The following NRXN1 variants were observed in gnomAD, a reference collection of about 807,000 sequenced individuals.
NRXN1 encodes the protein neurexin-1.
Under a neutral mutation model 150.9 loss-of-function variants are expected in NRXN1, and 39 were observed. The ratio of observed to expected loss-of-function variants is 0.26; its 90% CI spans 0.20 to 0.34. The LOEUF (loss-of-function observed/expected upper bound fraction) is 0.34. Ranked by LOEUF, NRXN1 falls within the 10% of genes least tolerant of loss-of-function variation. The pLI is 1.00. For missense variants in NRXN1, 1,815 were observed against 1,949.9 expected (o/e 0.93, Z 1.30); for synonymous variants, 924 against 757.0 (o/e 1.22, Z -3.62).
chr2:50,281,674 A>C (rs959527532), intron 17 of NRXN1, among the ~76,000 whole-genome samples: 1 of 152,072 alleles, frequency 6.6e-6, no homozygotes, highest in Non-Finnish European at 1.5e-5. Context: ...AAAGATGATA[A>C]ACTGTTCCCA....
At chr2:49,943,829 G>A (rs1208019083) in intron 21 of NRXN1, 38 bp from the exon 22 acceptor site, 3 of 1,415,730 alleles carry the variant, frequency 2.1e-6, no homozygotes, top group Admixed American at 1.7e-5. Context: ...AATTTAAAGG[G>A]TCCTAACAGA....
intron 17 of NRXN1, among the ~76,000 whole-genome samples, chr2:50,343,026 T>C (rs1004389655): frequency 5.9e-5 from 9 of 152,222 alleles, no homozygotes; most frequent in Non-Finnish European, 1.2e-4. Flanking sequence ...TTATTATCCT[T>C]ATATAACACC....
At chr2:50,960,562 T>C (rs561380899) in intron 2 of NRXN1, among the ~76,000 whole-genome samples, 5 of 151,914 alleles carry the variant, frequency 3.3e-5, no homozygotes, top group African/African-American at 7.2e-5. Flanking sequence ...TATTATCACC[T>C]ACATGGAGGA....
At position 49,919,879 on chromosome 2, in the gene NRXN1, C is replaced by T. The variant is rs1321737777; in HGVS notation, c.*2065G>A. 3 of 152,084 alleles carry T rather than the reference C, an allele frequency of 2.0e-5. No individual in the cohort carries two copies. Among genetic ancestry groups the T allele is most frequent in the Non-Finnish European group, 4.4e-5 (3 of 67,964 alleles). The allele number at this position is 152,084 out of a possible 1,614,324, so 9.4% of individuals were successfully genotyped here. ...TGCTGTATGTCTGAAATCCAGGCCA[C>T]TTCTTGGCTTTTTTTTCATCAACTA... On this transcript the variant is annotated 3_prime_UTR_variant, in exon 23 of 23. Coordinates refer to ENST00000401669, the MANE Select transcript of NRXN1 (RefSeq NM_001330078.2).
rs544298942 is a variant in NRXN1 at position 50,964,516 on chromosome 2, T to C, written c.773-38561A>G. Reference sequence around the variant, plus strand: ...CCTTTCCCTCAAACGTGTCCTATTATGAAAATCTAACTTACAGATATTCAG... The same window carrying C: ...CCTTTCCCTCAAACGTGTCCTATTACGAAAATCTAACTTACAGATATTCAG... On this transcript the variant is annotated intron_variant, in intron 2 of 22. Transcript: ENST00000401669. Among the ~76,000 whole-genome samples the C allele has an allele frequency of 4.6e-5, 7 of 151,632 alleles. No homozygotes were observed. In the East Asian group the frequency reaches 9.7e-4, roughly 21 times the overall value.
At chr2:50,355,506 G>T (rs113949700) in intron 17 of NRXN1, among the ~76,000 whole-genome samples, 1 of 151,802 alleles carries the variant, frequency 6.6e-6, no homozygotes, top group Admixed American at 6.6e-5. Flanking sequence ...AACACCCCAG[G>T]CTCCAGCCAC....
At chr2:50,699,338 T>G (rs576034328) in intron 5 of NRXN1, among the ~76,000 whole-genome samples, 1 of 152,298 alleles carries the variant, frequency 6.6e-6, no homozygotes, top group East Asian at 1.9e-4. Flanking sequence ...CCAGATCCTG[T>G]GAATATGTCC....
chr2:50,883,424 T>C (rs1002121025), intron 5 of NRXN1, among the ~76,000 whole-genome samples: 23 of 128,640 alleles, frequency 1.8e-4, no homozygotes, highest in Non-Finnish European at 3.7e-5. Context: ...TTTACATCTT[T>C]TTTTTTTTTT....
In NRXN1 at chr2:50,644,438, G is replaced by A. The variant is rs548838357; in HGVS notation, c.833-20823C>T. Among the ~76,000 whole-genome samples the A allele has an allele frequency of 6.6e-5, 10 of 151,760 alleles. No individual in the cohort carries two copies. In the East Asian group the frequency reaches 1.7e-3, roughly 26 times the overall value. ...AATGATTCCTACAAATTTTAGAGAA[G>A]ACTATCAAAAGCAAAAGAAATAAAT... On this transcript the variant is annotated intron_variant, in intron 5 of 22. Coordinates refer to ENST00000401669, the MANE Select transcript of NRXN1 (RefSeq NM_001330078.2).
chr2:51,028,123 C>A lies in NRXN1; in HGVS notation c.151G>T (p.Glu51Ter). 1 of 1,568,158 alleles carries A rather than the reference C, an allele frequency of 6.4e-7. No homozygotes were observed. ...TTGAGCTGGAAGCTCATCTCGCTCTCGCAGCAGGCGTTCCACTTGGGGAAG... is the reference window on the plus strand; with the variant it reads ...TTGAGCTGGAAGCTCATCTCGCTCTAGCAGCAGGCGTTCCACTTGGGGAAG... ...TRFPKWNACC[E>*]SEMSFQLKTR... Residue 51 changes from glutamate (E) to a stop codon, truncating the protein, a stop_gained, in exon 2 of 23, where the codon GAG becomes TAG. Coordinates refer to ENST00000401669, the MANE Select transcript of NRXN1 (RefSeq NM_001330078.2). LOFTEE classifies it high-confidence loss of function.
chr2:50,053,314 G>T lies in NRXN1; in HGVS notation c.4085C>A (p.Thr1362Lys). The change falls in exon 21 of 23, where the codon ACA (threonine) becomes AAA (lysine). Residue 1362 changes from threonine to lysine, a missense_variant. Thr to Lys is a moderately conservative substitution (Grantham distance 78). This residue lies in a region of NRXN1 where 265 missense variants were observed against 307.1 expected (regional missense o/e 0.86). Coordinates refer to ENST00000401669, the MANE Select transcript of NRXN1 (RefSeq NM_001330078.2). ...TGTCGGGGGCTTTCCTCTTCTGGCT[G>T]TGCTAGTAGCCAGGGTCGTGGTAGT... is the stretch of plus-strand genomic sequence containing the variant. The part of the protein sequence containing the change: ...METTTTLATS[T>K]ARRGKPPTKE... The T allele has an allele frequency of 6.2e-7, 1 of 1,614,008 alleles. No individual in the cohort carries two copies. The highest frequency in any genetic ancestry group is 8.5e-7 in the Non-Finnish European group (1 of 1,179,904).
intron 5 of NRXN1, among the ~76,000 whole-genome samples, chr2:50,651,856 C>T (rs1368423073): frequency 2.0e-5 from 3 of 151,916 alleles, no homozygotes; most frequent in South Asian, 2.1e-4. Flanking sequence ...AAGCACTGCA[C>T]AACAATAGTC....
rs1244838607 is a variant in NRXN1, at chr2:51,028,057, C to T, written c.217G>A (p.Glu73Lys). The T allele has an allele frequency of 6.3e-7, 1 of 1,598,174 alleles. No individual in the cohort carries two copies. The highest frequency in any genetic ancestry group is 8.5e-7 in the Non-Finnish European group (1 of 1,176,204). The change falls in exon 2 of 23, where the codon GAG (glutamate) becomes AAG (lysine). Residue 73 changes from glutamate (E) to lysine (K), a missense_variant. By Grantham distance (56) the Glu-to-Lys change is moderately conservative (BLOSUM62 1). Around this residue, in one of 6 missense-constraint regions of NRXN1, gnomAD observed 554 missense variants for 478.8 expected, o/e 1.16. Coordinates refer to ENST00000401669, the MANE Select transcript of NRXN1 (RefSeq NM_001330078.2). ...AGCTCCAGGAAGTCGCAGAAGCCCT[C>T]GTCGTCGAAGTAGAGCACGAGGCCG... ...ARGLVLYFDD[E>K]GFCDFLELIL...
chr2:50,321,557 C>G (rs908155748), intron 17 of NRXN1, among the ~76,000 whole-genome samples: 18 of 151,960 alleles, frequency 1.2e-4, no homozygotes, highest in African/African-American at 4.3e-4. Flanking sequence ...CATAAAGTTA[C>G]AAAATGAACA....
At chr2:50,712,929 C>A (rs966224974) in intron 5 of NRXN1, among the ~76,000 whole-genome samples, 4 of 152,150 alleles carry the variant, frequency 2.6e-5, no homozygotes, top group Non-Finnish European at 5.9e-5. Flanking sequence ...AACATTTTAT[C>A]TGATGGAAAT....
At chr2:49,977,908 A>C (rs1679265504) in intron 21 of NRXN1, among the ~76,000 whole-genome samples, 1 of 152,170 alleles carries the variant, frequency 6.6e-6, no homozygotes, top group South Asian at 2.1e-4. Flanking sequence ...GCTCACCTGT[A>C]ATCCCAGCAC....
intron 18 of NRXN1, among the ~76,000 whole-genome samples, chr2:50,092,808 CT>C (rs1490740075): frequency 6.6e-6 from 1 of 152,080 alleles, no homozygotes; most frequent in African/African-American, 2.4e-5. Flanking sequence ...TTTCTTCCCC[CT>C]GGGTTCTTAT....
intron 5 of NRXN1, among the ~76,000 whole-genome samples, chr2:50,792,887 T>C (rs1400457058): frequency 2.6e-5 from 4 of 152,096 alleles, no homozygotes; most frequent in Non-Finnish European, 5.9e-5. Context: ...TTATCCAAAG[T>C]AACATAAGCT....
intron 19 of NRXN1, among the ~76,000 whole-genome samples, chr2:50,056,520 A>T (rs190770005): frequency 6.6e-6 from 1 of 152,174 alleles, no homozygotes; most frequent in South Asian, 2.1e-4. Flanking sequence ...TCACTAAAAC[A>T]TTGTAAAATA....
Sources: allele counts gnomAD v4.1 joint callset (sites outside exome capture counted in the v4.1 genomes callset), GRCh38; gene constraint gnomAD v4.1.1; regional missense constraint gnomAD v4.1.1; transcripts MANE v1.5; gene names NCBI Gene and HGNC (gene_info 2026-07-23, HGNC 2026-07-21).